The following TRHDE variants were observed in gnomAD, a reference collection of about 807,000 sequenced individuals.
The protein encoded by TRHDE is thyrotropin-releasing hormone-degrading ectoenzyme.
A neutral mutation model predicts 125.7 loss-of-function variants in TRHDE; 72 were observed. That is an observed-to-expected ratio of 0.57 (90% CI 0.47 to 0.70). The LOEUF (loss-of-function observed/expected upper bound fraction) is 0.70, where lower values mean the gene tolerates loss of function less well. Among genes scored for constraint, TRHDE ranks in the 30% least tolerant of loss-of-function variants. The pLI is 0.00. For missense variants in TRHDE, 1,110 were observed against 1,327.1 expected (o/e 0.84, Z 2.54); for synonymous variants, 509 against 509.1 (o/e 1.00, Z 0.00).
At chr12:72,346,615 T>G (rs1870341456) in intron 2 of TRHDE, among the ~76,000 whole-genome samples, 1 of 152,096 alleles carries the variant, frequency 6.6e-6, no homozygotes. Context: ...TAGCATGTGC[T>G]GCAGCTGGAT....
chr12:72,571,974 A>AACACACAC (rs59206098), intron 10 of TRHDE, among the ~76,000 whole-genome samples: 14,034 of 127,340 alleles, frequency 0.11, 1,035 homozygotes, highest in South Asian at 0.14. Context: ...TGACTCTGCA[A>AACACACAC]ACACACACAC....
At chr12:72,361,490 GAT>G (rs1871078281) in intron 2 of TRHDE, among the ~76,000 whole-genome samples, 1 of 151,582 alleles carries the variant, frequency 6.6e-6, no homozygotes, top group African/African-American at 2.4e-5. Flanking sequence ...ATCTGTTTCA[GAT>G]ATAAGAGTAA....
intron 2 of TRHDE, among the ~76,000 whole-genome samples, chr12:72,306,422 T>C (rs950996373): frequency 1.3e-5 from 2 of 152,218 alleles, no homozygotes; most frequent in Non-Finnish European, 2.9e-5. Context: ...ACTTATTTTA[T>C]GATACATAAA....
At chr12:72,168,887 TAC>T (rs933687860) in intron 2 of TRHDE, among the ~76,000 whole-genome samples, 15 of 152,216 alleles carry the variant, frequency 9.9e-5, no homozygotes, top group Non-Finnish European at 1.5e-4. Context: ...TGAGTTTCTT[TAC>T]TAATTTTGAT....
At chr12:72,321,491 C>A (rs1332829160) in intron 2 of TRHDE, among the ~76,000 whole-genome samples, 1 of 152,112 alleles carries the variant, frequency 6.6e-6, no homozygotes, top group Non-Finnish European at 1.5e-5. Flanking sequence ...ACTTGTTCAC[C>A]ATTTCTGCTC....
At position 72,273,619 on chromosome 12, in the gene TRHDE, G is replaced by C; in HGVS notation, c.914+62G>C. On this transcript the variant is annotated intron_variant, in intron 1 of 18. Coordinates refer to ENST00000261180, the MANE Select transcript of TRHDE (RefSeq NM_013381.3). The surrounding 1 kb of genome is among the most constrained non-coding windows in gnomAD (Gnocchi z 5.3). ...CGGCGCGCGGCTCGAACCTCTGGGCGGCCTGCGACCCCGGGGACCCAGCTG... is the reference window on the plus strand; with the variant it reads ...CGGCGCGCGGCTCGAACCTCTGGGCCGCCTGCGACCCCGGGGACCCAGCTG... 1.4e-6 allele frequency: 2 copies of C among 1,475,322 alleles called. No homozygotes were observed. The highest frequency in any genetic ancestry group is 1.8e-6 in the Non-Finnish European group (2 of 1,101,390). The allele number at this position is 1,475,322 out of a possible 1,614,324, so 91.4% of individuals were successfully genotyped here.
chr12:72,507,649 A>G (rs780245927), intron 6 of TRHDE, among the ~76,000 whole-genome samples: 12 of 152,244 alleles, frequency 7.9e-5, no homozygotes, highest in South Asian at 2.1e-4. Context: ...TGGAAAATTC[A>G]TAGCCTGGCC....
At chr12:72,643,658 A>G (rs1874160016) in intron 15 of TRHDE, among the ~76,000 whole-genome samples, 2 of 152,112 alleles carry the variant, frequency 1.3e-5, no homozygotes, top group Non-Finnish European at 2.9e-5. Flanking sequence ...TCCTTTCAGA[A>G]TCTCTTCTTC....
At chr12:72,450,990 A>T (rs998832590) in intron 3 of TRHDE, among the ~76,000 whole-genome samples, 2 of 152,030 alleles carry the variant, frequency 1.3e-5, no homozygotes, top group South Asian at 4.1e-4. Context: ...TTCAAAATCA[A>T]ATTATTTGTT....
chr12:72,250,460 A>C (rs1878657044), intron 2 of TRHDE, among the ~76,000 whole-genome samples: 1 of 152,146 alleles, frequency 6.6e-6, no homozygotes, highest in African/African-American at 2.4e-5. Context: ...GCTTCCTCTT[A>C]TCTGAATTTT....
intron 3 of TRHDE, among the ~76,000 whole-genome samples, chr12:72,466,243 A>G (rs1194886253): frequency 1.3e-5 from 2 of 152,174 alleles, no homozygotes; most frequent in South Asian, 2.1e-4. Flanking sequence ...CCAAACTCCT[A>G]GACTGCACCT....
At chr12:72,625,994 A>G (rs1212283703) in intron 15 of TRHDE, among the ~76,000 whole-genome samples, 1 of 152,024 alleles carries the variant, frequency 6.6e-6, no homozygotes, top group East Asian at 1.9e-4. Context: ...GAACCTGAAC[A>G]TGCACCTGAA....
At chr12:72,327,730 G>A (rs1171215888) in intron 2 of TRHDE, among the ~76,000 whole-genome samples, 1 of 151,722 alleles carries the variant, frequency 6.6e-6, no homozygotes, top group Non-Finnish European at 1.5e-5. Context: ...TTTAGCAGCT[G>A]TTCTCTTTTA....
intron 5 of TRHDE, among the ~76,000 whole-genome samples, chr12:72,494,836 T>A (rs1877835084): frequency 6.6e-6 from 1 of 152,064 alleles, no homozygotes. Context: ...GAATTCCTTG[T>A]GAGATTTCAC....
intron 6 of TRHDE, among the ~76,000 whole-genome samples, chr12:72,519,594 C>T (rs1879069869): frequency 6.6e-6 from 1 of 152,158 alleles, no homozygotes; most frequent in Admixed American, 6.5e-5. Flanking sequence ...TTTGAATGTC[C>T]TCCAGTAGCT....
chr12:72,183,517 A>C (rs1292422696), intron 2 of TRHDE, among the ~76,000 whole-genome samples: 1 of 152,242 alleles, frequency 6.6e-6, no homozygotes, highest in Non-Finnish European at 1.5e-5. Context: ...AAAATGGTCA[A>C]GTACAGACAA....
chr12:72,222,530 A>G (rs1878022117), intron 2 of TRHDE, among the ~76,000 whole-genome samples: 1 of 61,704 alleles, frequency 1.6e-5, no homozygotes, highest in Non-Finnish European at 3.9e-5. Flanking sequence ...CTGATTTGTT[A>G]TGTCTGGGGA....
At chr12:72,193,982 T>A (rs1877388585) in intron 2 of TRHDE, among the ~76,000 whole-genome samples, 1 of 152,082 alleles carries the variant, frequency 6.6e-6, no homozygotes, top group African/African-American at 2.4e-5. Flanking sequence ...ATGAGGGAGA[T>A]AAGAGTAATT....
At chr12:72,412,775 G>A (rs1430060676) in intron 3 of TRHDE, among the ~76,000 whole-genome samples, 1 of 152,030 alleles carries the variant, frequency 6.6e-6, no homozygotes, top group African/African-American at 2.4e-5. Context: ...TTGAGCAGAT[G>A]TTGAAATTCT....
Sources: allele counts gnomAD v4.1 joint callset (sites outside exome capture counted in the v4.1 genomes callset), GRCh38; gene constraint gnomAD v4.1.1; non-coding constraint Gnocchi (gnomAD v3.1); transcripts MANE v1.5; gene names NCBI Gene and HGNC (gene_info 2026-07-23, HGNC 2026-07-21).